RCC1L: variants seen among roughly 807,000 people sequenced by gnomAD.
The protein encoded by RCC1L is RCC1 like.
RCC1L carries 46 observed loss-of-function variants against 58.6 expected under a neutral mutation model. That is an observed-to-expected ratio of 0.79 (90% CI 0.62 to 1.00). The LOEUF (loss-of-function observed/expected upper bound fraction) is 1.00, where lower values mean the gene tolerates loss of function less well. Ranked by LOEUF, RCC1L falls within the 50% of genes least tolerant of loss-of-function variation. The probability of loss-of-function intolerance (pLI) is 0.00; values close to 1 mark genes in which losing one functional copy is unlikely to be tolerated. For synonymous variants in RCC1L, 281 were observed against 262.9 expected (o/e 1.07, Z -0.67); for missense variants, 636 against 623.6 (o/e 1.02, Z -0.21).
intron 10 of RCC1L, among the ~76,000 whole-genome samples, chr7:75,033,292 G>A (rs1245202768): frequency 2.0e-5 from 3 of 151,970 alleles, no homozygotes; most frequent in South Asian, 4.2e-4. Flanking sequence ...ACCAGCTGCC[G>A]GCCAATAGTA....
chr7:75,056,187 T>C (rs1806076019), intron 8 of RCC1L, 113 bp from the exon 9 acceptor site: 1 of 1,288,312 alleles, frequency 7.8e-7, no homozygotes, highest in East Asian at 2.3e-5. Context: ...TTTTTTTTGT[T>C]TTTTTTTTGT....
intron 10 of RCC1L, among the ~76,000 whole-genome samples, chr7:75,034,479 G>GGGCGA (rs1316562924): frequency 6.6e-6 from 1 of 152,216 alleles, no homozygotes; most frequent in Non-Finnish European, 1.5e-5. Context: ...TCGCGCCACT[G>GGGCGA]CACTCCAGCC....
downstream of RCC1L, among the ~76,000 whole-genome samples, chr7:75,038,870 G>A (rs2131972277): frequency 6.6e-6 from 1 of 152,302 alleles, no homozygotes; most frequent in East Asian, 1.9e-4. Context: ...CCTGCCTCCG[G>A]GGGGAAACCC....
At chr7:75,056,699 G>A in intron 8 of RCC1L, 1 of 1,535,478 alleles carries the variant, frequency 6.5e-7, no homozygotes, top group Non-Finnish European at 8.7e-7. Context: ...TTTGCTCTAG[G>A]ATGACTCAGC....
chr7:75,067,931 G>C (rs993753267), intron 2 of RCC1L, among the ~76,000 whole-genome samples: 4 of 152,064 alleles, frequency 2.6e-5, no homozygotes, highest in Non-Finnish European at 4.4e-5. Flanking sequence ...AAACGAGACT[G>C]GCATGAGTTG....
At chr7:75,050,537 T>C (rs1425743555) in intron 10 of RCC1L, among the ~76,000 whole-genome samples, 2 of 152,182 alleles carry the variant, frequency 1.3e-5, no homozygotes, top group African/African-American at 4.8e-5. Context: ...CAGCGTTCTT[T>C]CACCCAAAAC....
chr7:75,052,859 G>C (rs1805957461), intron 9 of RCC1L, 63 bp from the exon 10 acceptor site: 8 of 1,479,080 alleles, frequency 5.4e-6, no homozygotes, highest in Non-Finnish European at 6.5e-6. Context: ...CCAAGGAGAG[G>C]ATGGGTCATG....
Position 75,042,591 on chromosome 7 carries a change from C to T in RCC1L, c.*441G>A, listed in dbSNP as rs1472553903. On this transcript the variant is annotated 3_prime_UTR_variant, in exon 11 of 11. Coordinates refer to ENST00000610322, the MANE Select transcript of RCC1L (RefSeq NM_030798.5). ...AGGGCCGAAGCCAGCCTGACTCCCT[C>T]GCCTAAGCTGGGGCTCGGTCCGAGG... 13 of 1,005,234 alleles carry T rather than the reference C, an allele frequency of 1.3e-5. No homozygotes were observed. The highest frequency in any genetic ancestry group is 4.2e-5 in the South Asian group (1 of 23,970). The allele number at this position is 1,005,234 out of a possible 1,614,324, so 62.3% of individuals were successfully genotyped here.
intron 3 of RCC1L, among the ~76,000 whole-genome samples, chr7:75,066,355 G>A (rs1443954430): frequency 6.6e-6 from 1 of 152,084 alleles, no homozygotes; most frequent in African/African-American, 2.4e-5. Context: ...TCAGGAGGCT[G>A]AGGCAGGAGA....
chr7:75,061,435 T>TCTCAATCTA, intron 5 of RCC1L, 144 bp from the exon 6 acceptor site: 2 of 737,308 alleles, frequency 2.7e-6, no homozygotes, highest in Non-Finnish European at 5.0e-6. Flanking sequence ...CTCATCTTAC[T>TCTCAATCTA]CCTTCTCAAT....
At chr7:75,047,320 G>T (rs900702291) in intron 10 of RCC1L, among the ~76,000 whole-genome samples, 1 of 152,096 alleles carries the variant, frequency 6.6e-6, no homozygotes. Context: ...CGGCTGGAGC[G>T]CAGTGGTGTG....
rs2131991844 is a variant in RCC1L, at chr7:75,055,655, T to C, written c.1231+246A>G. The C allele has an allele frequency of 5.5e-6, 3 of 543,492 alleles. No individual in the cohort carries two copies. In the East Asian group the frequency reaches 1.0e-4, roughly 18 times the overall value. The allele number at this position is 543,492 out of a possible 1,614,324, so 33.7% of individuals were successfully genotyped here. On this transcript the variant is annotated intron_variant, in intron 9 of 10. Coordinates refer to ENST00000610322, the MANE Select transcript of RCC1L (RefSeq NM_030798.5). ...ACCGACGGGTGCTCTCTTGAGAAAA[T>C]GCACGTTCACGTTAGCCTACCCACA...
intron 10 of RCC1L, among the ~76,000 whole-genome samples, chr7:75,044,284 G>C (rs1276828839): frequency 1.3e-5 from 2 of 152,154 alleles, no homozygotes; most frequent in East Asian, 3.8e-4. Context: ...AGGACATTCA[G>C]TGAAAAAGAA....
rs891296537 is a variant in RCC1L, at chr7:75,064,057, C to T, written c.650+525G>A. The stretch of plus-strand genomic sequence containing the variant: ...AAAAATTCATCCTAAGAGGGCAGGA[C>T]GTGGGGGCTCATGCCTGTAATCCCA... On this transcript the variant is annotated intron_variant, in intron 4 of 10. Coordinates refer to ENST00000610322, the MANE Select transcript of RCC1L (RefSeq NM_030798.5). Among the ~76,000 whole-genome samples, 6 of 152,202 alleles carry T rather than the reference C, an allele frequency of 3.9e-5. No individual in the cohort carries two copies. The South Asian group carries it at 1.2e-3, about 32-fold the overall frequency.
rs1805601794 is a variant in RCC1L at position 75,042,687 on chromosome 7, A to G, written c.*345T>C. The stretch of plus-strand genomic sequence containing the variant: ...CAGACAGAGCAGAAACCTCCCGAGC[A>G]CTGTGTTCAAGCTAAGCTTTCCTAA... On this transcript the variant is annotated 3_prime_UTR_variant, in exon 11 of 11. Transcript: ENST00000610322. 1 of 1,199,578 alleles carries G rather than the reference A, an allele frequency of 8.3e-7. No individual in the cohort carries two copies. The highest frequency in any genetic ancestry group is 1.0e-6 in the Non-Finnish European group (1 of 958,050). The allele number at this position is 1,199,578 out of a possible 1,614,324, so 74.3% of individuals were successfully genotyped here.
At chr7:75,029,533 A>G (rs1805240736) in intron 10 of RCC1L, among the ~76,000 whole-genome samples, 7 of 151,884 alleles carry the variant, frequency 4.6e-5, no homozygotes. Context: ...TAGTAGAGAC[A>G]GGGTTTCACT....
chr7:75,058,364 G>C (rs1438413692), intron 7 of RCC1L, among the ~76,000 whole-genome samples: 1 of 151,468 alleles, frequency 6.6e-6, no homozygotes, highest in Non-Finnish European at 1.5e-5. Flanking sequence ...CAGTACCTGG[G>C]ATTACAGGCA....
In RCC1L at chr7:75,057,566, C is replaced by A. The variant is rs1369812794; in HGVS notation, c.1020G>T (p.Gln340His). 5 of 1,613,832 alleles carry A rather than the reference C, an allele frequency of 3.1e-6. No homozygotes were observed. The African/African-American group carries it at 5.3e-5, about 17-fold the overall frequency. ...CACAGCCCGTGCCACCGCATGCAGC[C>A]TGTCGCACCTTCCCCACTCCTGAGA... ...LHFSGVGKVR[Q>H]AACGGTGCAV... Residue 340 changes from glutamine (Q) to histidine (H), a missense_variant, in exon 8 of 11, where the codon CAG becomes CAT. Coordinates refer to ENST00000610322, the MANE Select transcript of RCC1L (RefSeq NM_030798.5).
chr7:75,034,522 C>CA (rs1805392129), intron 10 of RCC1L, among the ~76,000 whole-genome samples: 1 of 152,034 alleles, frequency 6.6e-6, no homozygotes, highest in Non-Finnish European at 1.5e-5. Flanking sequence ...TCTCCAAAAA[C>CA]AAAACAAAAC....
Sources: gnomAD v4.1 joint callset for allele counts (sites outside exome capture counted in the v4.1 genomes callset) on GRCh38, gnomAD v4.1.1 for gene constraint, MANE v1.5 for transcripts, NCBI Gene and HGNC (gene_info 2026-07-23, HGNC 2026-07-21) for gene names.